Variants in STAU1 observed in about 807,000 individuals in gnomAD.
The protein encoded by STAU1 is double-stranded RNA-binding protein Staufen homolog 1.
A neutral mutation model predicts 62.9 loss-of-function variants in STAU1; 13 were observed. That is an observed-to-expected ratio of 0.21 (90% CI 0.13 to 0.33). The LOEUF (loss-of-function observed/expected upper bound fraction) is 0.33, where lower values mean the gene tolerates loss of function less well. STAU1 is among the 10% of genes least tolerant of loss of function. The pLI, the probability that STAU1 is intolerant of heterozygous loss-of-function variation, is 1.00. For missense variants in STAU1, 571 were observed against 712.1 expected (o/e 0.80, Z 2.25); for synonymous variants, 269 against 265.1 (o/e 1.01, Z -0.14).
At chr20:49,137,369 G>T (rs916535414) in intron 5 of STAU1, among the ~76,000 whole-genome samples, 8 of 152,152 alleles carry the variant, frequency 5.3e-5, no homozygotes, top group Non-Finnish European at 7.4e-5. Context: ...TTAAAGAGGA[G>T]CAAGGATCTT....
the STAU1 span, among the ~76,000 whole-genome samples, chr20:49,204,991 T>A: frequency 6.6e-6 from 1 of 151,690 alleles, no homozygotes; most frequent in Non-Finnish European, 1.5e-5. Context: ...TAAAAAAAAA[T>A]TCACAAGATT....
the STAU1 span, among the ~76,000 whole-genome samples, chr20:49,203,254 A>G: frequency 1.3e-5 from 2 of 152,218 alleles, no homozygotes; most frequent in East Asian, 3.9e-4. Context: ...ATGAAACCCC[A>G]TCTCTACCAA....
At chr20:49,206,736 TATATATATA>T in the STAU1 span, among the ~76,000 whole-genome samples, 3 of 136,498 alleles carry the variant, frequency 2.2e-5, no homozygotes, top group African/African-American at 8.4e-5. Context: ...TATATATATA[TATATATATA>T]TATATATTTT....
At chr20:49,132,504 A>C (rs972045452) in intron 6 of STAU1, among the ~76,000 whole-genome samples, 1 of 152,204 alleles carries the variant, frequency 6.6e-6, no homozygotes, top group Non-Finnish European at 1.5e-5. Context: ...CATGCCTATA[A>C]TCCCATCACT....
intron 1 of STAU1, among the ~76,000 whole-genome samples, chr20:49,177,548 G>A (rs945591598): frequency 7.2e-5 from 11 of 151,784 alleles, no homozygotes; most frequent in Non-Finnish European, 1.0e-4. Context: ...GCATGGTGGC[G>A]GGCGCCTGTA....
chr20:49,151,447 A>T (rs1171374221), intron 5 of STAU1, 135 bp downstream of exon 5: 1 of 897,590 alleles, frequency 1.1e-6, no homozygotes, highest in African/African-American at 1.7e-5. Context: ...CAGAGCATAA[A>T]ATCTTGGAGG....
At chr20:49,132,796 T>C (rs2092779868) in intron 6 of STAU1, among the ~76,000 whole-genome samples, 1 of 152,138 alleles carries the variant, frequency 6.6e-6, no homozygotes, top group African/African-American at 2.4e-5. Context: ...TCAAGCTGTA[T>C]ATATTTTTCC....
the STAU1 span, among the ~76,000 whole-genome samples, chr20:49,216,052 AAAAAAGAAGAAGAG>A: frequency 6.6e-6 from 1 of 150,798 alleles, no homozygotes; most frequent in Non-Finnish European, 1.5e-5. Flanking sequence ...GAAGAAGAAA[AAAAAAGAAGAAGAG>A]AAAAAGAAGA....
chr20:49,131,431 C>T (rs1444932551), intron 6 of STAU1, among the ~76,000 whole-genome samples: 1 of 152,104 alleles, frequency 6.6e-6, no homozygotes, highest in African/African-American at 2.4e-5. Flanking sequence ...AAGAGAATGT[C>T]CTTGCTCTTA....
At chr20:49,203,612 A>T in the STAU1 span, among the ~76,000 whole-genome samples, 1 of 152,208 alleles carries the variant, frequency 6.6e-6, no homozygotes, top group Non-Finnish European at 1.5e-5. Flanking sequence ...AATACCTTTT[A>T]GTATTCTTTT....
At chr20:49,178,831 T>C (rs2146549335) in intron 1 of STAU1, among the ~76,000 whole-genome samples, 1 of 147,500 alleles carries the variant, frequency 6.8e-6, no homozygotes, top group East Asian at 2.0e-4. Context: ...CCCAGCACTT[T>C]GGGAGGCCAA....
the STAU1 span, among the ~76,000 whole-genome samples, chr20:49,214,566 A>G: frequency 6.6e-6 from 1 of 151,624 alleles, no homozygotes; most frequent in Admixed American, 6.6e-5. Flanking sequence ...GTCCATGTCT[A>G]GGAGATAATG....
At chr20:49,203,900 T>A in the STAU1 span, among the ~76,000 whole-genome samples, 1 of 152,196 alleles carries the variant, frequency 6.6e-6, no homozygotes, top group Non-Finnish European at 1.5e-5. Flanking sequence ...TTGGCCAGAC[T>A]GGTCTCGAAA....
At chr20:49,206,149 AT>A in the STAU1 span, among the ~76,000 whole-genome samples, 403 of 136,556 alleles carry the variant, frequency 3.0e-3, 2 homozygotes, top group Middle Eastern at 0.012. Context: ...CGCCCAGCTG[AT>A]TTTTTTTTTT....
At chr20:49,136,734 G>A (rs2146048159) in intron 5 of STAU1, among the ~76,000 whole-genome samples, 1 of 151,938 alleles carries the variant, frequency 6.6e-6, no homozygotes, top group South Asian at 2.1e-4. Context: ...GTCTCGCTCT[G>A]TTGCCCAGGA....
At chr20:49,185,937 G>A (rs1034268716) in intron 1 of STAU1, among the ~76,000 whole-genome samples, 8 of 151,796 alleles carry the variant, frequency 5.3e-5, no homozygotes, top group African/African-American at 1.9e-4. Flanking sequence ...CACCTCCCGG[G>A]TTCAAGCGAT....
upstream of STAU1, chr20:49,188,436 C>A (rs533665413): frequency 4.4e-4 from 67 of 152,388 alleles, no homozygotes; most frequent in South Asian, 2.5e-3. Flanking sequence ...GCCCCACCCC[C>A]ACCCACGGTC....
chr20:49,140,161 A>T (rs1044841227), intron 5 of STAU1, among the ~76,000 whole-genome samples: 10 of 152,130 alleles, frequency 6.6e-5, no homozygotes, highest in African/African-American at 2.2e-4. Context: ...ATTCCAGTCC[A>T]GTGAGACTCC....
At chr20:49,185,034 C>T (rs913073279) in intron 1 of STAU1, among the ~76,000 whole-genome samples, 2 of 152,174 alleles carry the variant, frequency 1.3e-5, no homozygotes, top group African/African-American at 4.8e-5. Flanking sequence ...AACACTTATG[C>T]TGTGATTTCA....
Sources: gnomAD v4.1 joint callset for allele counts (sites outside exome capture counted in the v4.1 genomes callset) on GRCh38, gnomAD v4.1.1 for gene constraint, MANE v1.5 for transcripts, NCBI Gene and HGNC (gene_info 2026-07-23, HGNC 2026-07-21) for gene names.